CYTH1: variants seen among roughly 807,000 people sequenced by gnomAD.
CYTH1 encodes the protein cytohesin-1.
Under a neutral mutation model 61.8 loss-of-function variants are expected in CYTH1, and 18 were observed. The observed-to-expected ratio is 0.29, with a 90% CI of 0.20 to 0.43. CYTH1 has a LOEUF of 0.43. Among genes scored for constraint, CYTH1 ranks in the 20% least tolerant of loss-of-function variants. The pLI, the probability that CYTH1 is intolerant of heterozygous loss-of-function variation, is 1.00. For missense variants in CYTH1, 336 were observed against 510.5 expected (o/e 0.66, Z 3.29); for synonymous variants, 174 against 184.3 (o/e 0.94, Z 0.45).
intron 1 of CYTH1, among the ~76,000 whole-genome samples, chr17:78,711,040 A>T (rs2093123757): frequency 1.3e-5 from 2 of 152,096 alleles, no homozygotes; most frequent in Non-Finnish European, 2.9e-5. Flanking sequence ...GGGCGGGCAG[A>T]TCACGAGGTC....
At chr17:78,678,784 A>G (rs945796864) in intron 13 of CYTH1, among the ~76,000 whole-genome samples, 1 of 152,166 alleles carries the variant, frequency 6.6e-6, no homozygotes, top group Non-Finnish European at 1.5e-5. Flanking sequence ...CATGCCCACT[A>G]CACAATCTCA....
chr17:78,765,519 T>C (rs890758727), intron 1 of CYTH1, among the ~76,000 whole-genome samples: 2 of 152,144 alleles, frequency 1.3e-5, no homozygotes, highest in African/African-American at 4.8e-5. Context: ...AAAGCCAGTG[T>C]GGAGTAGAGG....
In CYTH1 at chr17:78,724,194, C is replaced by T. The variant is rs2093252946; in HGVS notation, c.23-14462G>A. The T allele has an allele frequency of 2.0e-5, 3 of 152,250 alleles. No individual in the cohort carries two copies. The South Asian group carries it at 6.2e-4, about 32-fold the overall frequency. 9.4% of individuals were successfully genotyped at this position (152,250 alleles called of 1,614,324 possible). ...TGGCTACAGCCTGAGGATAGCAGCT[C>T]TCAAACCTCAGAGGGCACGAGAATC... On this transcript the variant is annotated intron_variant, in intron 1 of 13. Coordinates refer to ENST00000446868, the MANE Select transcript of CYTH1 (RefSeq NM_004762.6).
Position 78,680,677 on chromosome 17 carries a change from T to C in CYTH1, c.963+294A>G, listed in dbSNP as rs369084095. Among the ~76,000 whole-genome samples, 42 of 152,072 alleles carry C rather than the reference T, an allele frequency of 2.8e-4. No individual in the cohort carries two copies. In the East Asian group the frequency reaches 3.7e-3, roughly 13 times the overall value. The stretch of plus-strand genomic sequence containing the variant: ...AAACAAAGGAAAACTAAACGGGAGG[T>C]GTCCCAAGGGTATAAACTACATAGC... On this transcript the variant is annotated intron_variant, in intron 12 of 13. Coordinates refer to ENST00000446868, the MANE Select transcript of CYTH1 (RefSeq NM_004762.6).
chr17:78,727,268 T>G (rs1203975757), intron 1 of CYTH1, among the ~76,000 whole-genome samples: 1 of 152,224 alleles, frequency 6.6e-6, no homozygotes, highest in African/African-American at 2.4e-5. Flanking sequence ...GTCAGCATTC[T>G]CAATCTCCCC....
At chr17:78,704,282 C>T (rs1035601080) in intron 3 of CYTH1, among the ~76,000 whole-genome samples, 2 of 152,136 alleles carry the variant, frequency 1.3e-5, no homozygotes, top group Non-Finnish European at 2.9e-5. Context: ...CTCAGAAGTA[C>T]AAGGGGCAGA....
chr17:78,689,670 G>C (rs2092856962), intron 11 of CYTH1, among the ~76,000 whole-genome samples: 1 of 152,206 alleles, frequency 6.6e-6, no homozygotes, highest in Admixed American at 6.5e-5. Flanking sequence ...TTTGGGGATG[G>C]ATATCATGCT....
At chr17:78,676,380 A>G (rs187558496) in intron 13 of CYTH1, 443 of 568,444 alleles carry the variant, frequency 7.8e-4, no homozygotes, top group Non-Finnish European at 1.0e-3. Context: ...GGAACACGTG[A>G]CAAGAAAATT....
chr17:78,749,090 G>C (rs1189333021), intron 1 of CYTH1, among the ~76,000 whole-genome samples: 1 of 152,128 alleles, frequency 6.6e-6, no homozygotes, highest in African/African-American at 2.4e-5. Flanking sequence ...CAAACTTCTT[G>C]ATACCTGTTA....
At chr17:78,751,424 T>C (rs1004853004) in intron 1 of CYTH1, among the ~76,000 whole-genome samples, 3 of 151,240 alleles carry the variant, frequency 2.0e-5, no homozygotes, top group South Asian at 2.1e-4. Context: ...TTCAGCATTA[T>C]GATTAGGGGC....
At chr17:78,712,829 C>T (rs1201392868) in intron 1 of CYTH1, among the ~76,000 whole-genome samples, 1 of 151,976 alleles carries the variant, frequency 6.6e-6, no homozygotes, top group African/African-American at 2.4e-5. Context: ...AAATCCAACC[C>T]AGGTCACCTT....
intron 1 of CYTH1, among the ~76,000 whole-genome samples, chr17:78,781,650 A>G (rs1336078736): frequency 4.6e-5 from 7 of 151,998 alleles, no homozygotes; most frequent in African/African-American, 1.7e-4. Flanking sequence ...ATTTCTGAAC[A>G]AAGACGTGGA....
chr17:78,751,689 T>A (rs1002914655), intron 1 of CYTH1, among the ~76,000 whole-genome samples: 1 of 152,150 alleles, frequency 6.6e-6, no homozygotes, highest in Non-Finnish European at 1.5e-5. Context: ...CTTTAGTGAG[T>A]AGGAAAATTC....
intron 1 of CYTH1, among the ~76,000 whole-genome samples, chr17:78,770,751 C>T (rs538228710): frequency 2.0e-5 from 3 of 152,226 alleles, no homozygotes; most frequent in Admixed American, 6.5e-5. Context: ...ATCATTCATA[C>T]CTAACACTAC....
chr17:78,756,903 C>T lies in CYTH1; in HGVS notation c.22+25299G>A, dbSNP rs367928116. On this transcript the variant is annotated intron_variant, in intron 1 of 13. Transcript: ENST00000446868. The stretch of plus-strand genomic sequence containing the variant: ...TAGGAACACAAAGTTCAACCACTGG[C>T]CTATATTCCAATAAACATGGCAAAA... Among the ~76,000 whole-genome samples, 67 of 151,150 alleles carry T rather than the reference C, an allele frequency of 4.4e-4. No individual in the cohort carries two copies. In the Middle Eastern group the frequency reaches 0.014, roughly 31 times the overall value.
chr17:78,695,187 A>C (rs1160877992), intron 10 of CYTH1, among the ~76,000 whole-genome samples: 3 of 152,182 alleles, frequency 2.0e-5, no homozygotes, highest in African/African-American at 2.4e-5. Context: ...ATGTTTCCCC[A>C]AAAAAACCAG....
intron 1 of CYTH1, chr17:78,724,093 T>G: frequency 6.6e-6 from 1 of 152,242 alleles, no homozygotes. Context: ...TGAGGACACC[T>G]GCCTATTATC....
intron 1 of CYTH1, among the ~76,000 whole-genome samples, chr17:78,757,970 A>C (rs2093408440): frequency 6.6e-6 from 1 of 152,174 alleles, no homozygotes; most frequent in Non-Finnish European, 1.5e-5. Context: ...AGGAAGGATA[A>C]ATTAACAAGT....
At chr17:78,721,828 G>A (rs2093231404) in intron 1 of CYTH1, among the ~76,000 whole-genome samples, 1 of 152,194 alleles carries the variant, frequency 6.6e-6, no homozygotes, top group South Asian at 2.1e-4. Flanking sequence ...TGGATCACTT[G>A]AGGTAAGGAG....
Sources: allele counts gnomAD v4.1 joint callset (sites outside exome capture counted in the v4.1 genomes callset), GRCh38; gene constraint gnomAD v4.1.1; transcripts MANE v1.5; gene names NCBI Gene and HGNC (gene_info 2026-07-23, HGNC 2026-07-21).